The following PCDHA9 variants were observed in gnomAD, a reference collection of about 807,000 sequenced individuals.
The protein encoded by PCDHA9 is protocadherin alpha 9.
In PCDHA9, 62 loss-of-function variants were observed where a neutral mutation model predicts 62.0. That is an observed-to-expected ratio of 1.00 (90% CI 0.81 to 1.23). PCDHA9 has a LOEUF of 1.23. Among genes scored for constraint, PCDHA9 ranks in the 50% most tolerant of loss-of-function variants. PCDHA9 has a pLI of 0.00. For missense variants in PCDHA9, 1,205 were observed against 1,249.8 expected (o/e 0.96, Z 0.54); for synonymous variants, 557 against 567.6 (o/e 0.98, Z 0.27).
intron 1 of PCDHA9, chr5:140,966,879 GC>G: frequency 1.3e-6 from 2 of 1,587,514 alleles, no homozygotes; most frequent in Non-Finnish European, 1.7e-6. Flanking sequence ...CTGCTACCTG[GC>G]CCTGCGGCCT....
At chr5:140,888,958 A>G (rs1174377099) in intron 1 of PCDHA9, among the ~76,000 whole-genome samples, 1 of 152,010 alleles carries the variant, frequency 6.6e-6, no homozygotes, top group African/African-American at 2.4e-5. Flanking sequence ...TTTCTTTGGC[A>G]ATGTTAATGT....
intron 1 of PCDHA9, chr5:140,856,583 C>T: frequency 1.9e-6 from 3 of 1,597,002 alleles, no homozygotes; most frequent in Non-Finnish European, 2.6e-6. Flanking sequence ...GTATTTTGTT[C>T]TTGATATTAT....
At chr5:140,934,365 A>T (rs2089794268) in intron 1 of PCDHA9, among the ~76,000 whole-genome samples, 1 of 151,884 alleles carries the variant, frequency 6.6e-6, no homozygotes, top group Non-Finnish European at 1.5e-5. Context: ...CACTGCTTTG[A>T]CTCCTTCTGT....
At position 140,850,123 on chromosome 5, in the gene PCDHA9, C is replaced by A. The variant is rs2150468826; in HGVS notation, c.1628C>A (p.Pro543Gln). 5.6e-6 allele frequency: 9 copies of A among 1,595,920 alleles called. No individual in the cohort carries two copies. Among genetic ancestry groups the A allele is most frequent in the African/African-American group, 2.7e-5 (2 of 74,480 alleles). ...FQVSARDAGVPPLGSNVTLQV... is the reference protein window; with the variant it reads ...FQVSARDAGVQPLGSNVTLQV... ...GTGAGCGCGCGCGACGCGGGCGTGC[C>A]GCCTCTGGGCAGCAACGTGACGCTG... The change falls in exon 1 of 4, where the codon CCG becomes CAG. Residue 543 changes from proline to glutamine, a missense_variant. Coordinates refer to ENST00000532602, the MANE Select transcript of PCDHA9 (RefSeq NM_031857.2).
intron 1 of PCDHA9, among the ~76,000 whole-genome samples, chr5:140,909,596 T>C (rs2074597089): frequency 6.6e-6 from 1 of 152,222 alleles, no homozygotes; most frequent in South Asian, 2.1e-4. Context: ...TGATTTACTA[T>C]TTTTCTAGGT....
At position 140,927,035 on chromosome 5, in the gene PCDHA9, C is replaced by A. The variant is rs1554203936; in HGVS notation, c.2395-51914C>A. 2 of 1,612,296 alleles carry A rather than the reference C, an allele frequency of 1.2e-6. No homozygotes were observed. The highest frequency in any genetic ancestry group is 1.7e-6 in the Non-Finnish European group (2 of 1,178,902). Reference sequence around the variant, plus strand: ...TCCGCGGACTTGAGGCTGCCAGCGGCCGCTATGTCCTCGCGGAACTTTCGC... The same window carrying A: ...TCCGCGGACTTGAGGCTGCCAGCGGACGCTATGTCCTCGCGGAACTTTCGC... On this transcript the variant is annotated intron_variant, in intron 1 of 3. Transcript: ENST00000532602.
chr5:141,000,304 G>A (rs1225893261), intron 3 of PCDHA9, among the ~76,000 whole-genome samples: 1 of 147,530 alleles, frequency 6.8e-6, no homozygotes, highest in Non-Finnish European at 1.5e-5. Context: ...GAGGCCAGGA[G>A]TTCAAGACCA....
chr5:140,998,017 C>T (rs555584429), intron 3 of PCDHA9, among the ~76,000 whole-genome samples: 67 of 152,292 alleles, frequency 4.4e-4, no homozygotes, highest in African/African-American at 1.4e-3. Context: ...ATCCCCACCT[C>T]GAGCTAGTGC....
chr5:140,993,342 C>T (rs1554253606), intron 3 of PCDHA9, among the ~76,000 whole-genome samples: 1 of 151,994 alleles, frequency 6.6e-6, no homozygotes, highest in African/African-American at 2.4e-5. Flanking sequence ...TTGAAGGGCA[C>T]TACGAAGATC....
At chr5:140,883,283 G>C (rs782514861) in intron 1 of PCDHA9, 2 of 1,613,916 alleles carry the variant, frequency 1.2e-6, no homozygotes, top group Admixed American at 1.7e-5. Context: ...CCTTTTGGTG[G>C]AAGTACTAGA....
intron 1 of PCDHA9, chr5:140,870,895 G>A (rs2052513329): frequency 6.2e-7 from 1 of 1,613,844 alleles, no homozygotes; most frequent in African/African-American, 1.3e-5. Flanking sequence ...CGCAGTGGAT[G>A]CGGACTCAGG....
chr5:140,970,834 T>C lies in PCDHA9; in HGVS notation c.2395-8115T>C, dbSNP rs566411727. 8.6e-5 allele frequency among the ~76,000 whole-genome samples: 13 copies of C among 151,290 alleles called. No homozygotes were observed. The South Asian group carries it at 1.2e-3, about 14-fold the overall frequency. ...AAGTTCATGGTAATCTTGAGGAATG[T>C]AATGCACAGGCACAAAAGTTCCATT... On this transcript the variant is annotated intron_variant, in intron 1 of 3. Transcript: ENST00000532602.
intron 1 of PCDHA9, chr5:140,876,818 A>G: frequency 6.2e-7 from 1 of 1,614,158 alleles, no homozygotes; most frequent in Non-Finnish European, 8.5e-7. Flanking sequence ...GCCGACGTGA[A>G]CGACAATGCG....
rs2054518116 is a variant in PCDHA9, at chr5:140,873,832, T to G, written c.2394+22943T>G. Among the ~76,000 whole-genome samples, 4 of 152,260 alleles carry G rather than the reference T, an allele frequency of 2.6e-5. No homozygotes were observed. In the South Asian group the frequency reaches 8.3e-4, roughly 32 times the overall value. On this transcript the variant is annotated intron_variant, in intron 1 of 3. Transcript: ENST00000532602. ...TGCACCACCACTCCTGGCTAATTTT[T>G]GTATTTTTAGTAGAGATGGGTTTTC...
chr5:140,866,796 G>A (rs1360079320), intron 1 of PCDHA9: 5 of 152,128 alleles, frequency 3.3e-5, no homozygotes, highest in African/African-American at 1.2e-4. Context: ...TATAGTAAAA[G>A]TCAGGCACAA....
intron 1 of PCDHA9, among the ~76,000 whole-genome samples, chr5:140,926,081 T>C (rs2153580512): frequency 6.6e-6 from 1 of 152,334 alleles, no homozygotes; most frequent in Admixed American, 6.5e-5. Flanking sequence ...TCTATTGCCC[T>C]CTTGGCAGCT....
chr5:140,882,555 G>A (rs1554174539), intron 1 of PCDHA9: 1 of 1,614,272 alleles, frequency 6.2e-7, no homozygotes, highest in Admixed American at 1.7e-5. Flanking sequence ...GAGGAGCTGT[G>A]TGGGCGGAGC....
At chr5:140,987,515 T>TA (rs2097257557) in intron 3 of PCDHA9, among the ~76,000 whole-genome samples, 1 of 152,160 alleles carries the variant, frequency 6.6e-6, no homozygotes, top group African/African-American at 2.4e-5. Flanking sequence ...TGCCACTCAG[T>TA]AATTGTATGT....
At chr5:140,883,225 C>T in intron 1 of PCDHA9, 1 of 1,613,914 alleles carries the variant, frequency 6.2e-7, no homozygotes, top group East Asian at 2.2e-5. Context: ...ATGAAATATC[C>T]GTGGAGGCAG....
Sources: allele counts gnomAD v4.1 joint callset (sites outside exome capture counted in the v4.1 genomes callset), GRCh38; gene constraint gnomAD v4.1.1; transcripts MANE v1.5; gene names NCBI Gene and HGNC (gene_info 2026-07-23, HGNC 2026-07-21).